Variants in PRKCH observed in about 807,000 individuals in gnomAD.
PRKCH encodes the protein protein kinase C eta.
In PRKCH, 28 loss-of-function variants were observed where a neutral mutation model predicts 82.5. That is an observed-to-expected ratio of 0.34 (90% confidence interval 0.25 to 0.47). The LOEUF is 0.47. Among genes scored for constraint, PRKCH ranks in the 20% least tolerant of loss-of-function variants. The pLI is 1.00. For synonymous variants in PRKCH, 322 were observed against 327.4 expected (o/e 0.98, Z 0.18); for missense variants, 705 against 881.8 (o/e 0.80, Z 2.54).
intron 2 of PRKCH, among the ~76,000 whole-genome samples, chr14:61,425,321 A>T (rs1171667949): frequency 6.6e-6 from 1 of 152,150 alleles, no homozygotes; most frequent in African/African-American, 2.4e-5. Flanking sequence ...CAGGAGGGGG[A>T]TATACCCTGC....
chr14:61,333,404 A>C (rs535262095), intron 1 of PRKCH, among the ~76,000 whole-genome samples: 3 of 152,368 alleles, frequency 2.0e-5, no homozygotes, highest in African/African-American at 7.2e-5. Flanking sequence ...AAAGGGTTCA[A>C]AAATAAGGCT....
rs1211722845 is a variant in PRKCH, at chr14:61,538,156, A to G, written c.1761+7561A>G. 7.2e-5 allele frequency among the ~76,000 whole-genome samples: 11 copies of G among 152,262 alleles called. 2 individuals are homozygous for G. The highest frequency in any genetic ancestry group is 7.2e-4 in the Admixed American group (11 of 15,288). ...AACGCAGAGGATCCAACCCCAGATC[A>G]TTAGGGCTGGTTTTTCAAACACTGT... is the stretch of plus-strand genomic sequence containing the variant. On this transcript the variant is annotated intron_variant, in intron 12 of 13. Coordinates refer to ENST00000332981, the MANE Select transcript of PRKCH (RefSeq NM_006255.5).
chr14:61,308,748 C>T (rs1303724022), intron 1 of PRKCH, among the ~76,000 whole-genome samples: 1 of 152,128 alleles, frequency 6.6e-6, no homozygotes, highest in Non-Finnish European at 1.5e-5. Flanking sequence ...CCCACCTCAG[C>T]CTCCCGAGGA....
At position 61,550,949 on chromosome 14, in the gene PRKCH, C is replaced by T. The variant is rs2140049990; in HGVS notation, c.*1118C>T. The T allele has an allele frequency of 6.6e-6, 1 of 152,310 alleles. No homozygotes were observed. Among genetic ancestry groups the T allele is most frequent in the Admixed American group, 6.5e-5 (1 of 15,298 alleles). 9.4% of individuals were successfully genotyped at this position (152,310 alleles called of 1,614,324 possible). On this transcript the variant is annotated 3_prime_UTR_variant, in exon 14 of 14. Transcript: ENST00000332981. The stretch of plus-strand genomic sequence containing the variant: ...TATACAGTTCAAGAATTTTGTCTGA[C>T]TGGAAATAAATGCATTTTGTAGCAA...
At chr14:61,469,836 T>TC (rs1885419757) in intron 9 of PRKCH, among the ~76,000 whole-genome samples, 1 of 152,036 alleles carries the variant, frequency 6.6e-6, no homozygotes. Context: ...GGGAAGGTGT[T>TC]CATTCATTCA....
rs2044540898 is a variant in PRKCH, at chr14:61,208,020, A to G, written c.-19+20352A>G. On this transcript the variant is annotated intron_variant, in intron 1 of 3. Coordinates refer to the PRKCH transcript ENST00000555185. ...TGTTTGAATGTGAAATGGGGTTTAC[A>G]TTAGAAGCACAGAAACCAAGCGCAA... Among the ~76,000 whole-genome samples the G allele has an allele frequency of 4.6e-5, 7 of 152,226 alleles. No homozygotes were observed. The South Asian group carries it at 1.2e-3, about 27-fold the overall frequency.
upstream of PRKCH, among the ~76,000 whole-genome samples, chr14:61,317,469 T>C (rs1308588620): frequency 6.6e-6 from 1 of 152,248 alleles, no homozygotes; most frequent in Non-Finnish European, 1.5e-5. Context: ...AGACAGGGTC[T>C]CACTTTGTTG....
At chr14:61,463,856 T>A (rs1885137611) in intron 9 of PRKCH, among the ~76,000 whole-genome samples, 1 of 152,244 alleles carries the variant, frequency 6.6e-6, no homozygotes, top group Admixed American at 6.5e-5. Flanking sequence ...TTTCAAATAA[T>A]ACAATGTCCT....
chr14:61,470,176 G>A (rs1008432966), intron 9 of PRKCH, among the ~76,000 whole-genome samples: 6 of 151,716 alleles, frequency 4.0e-5, no homozygotes, highest in African/African-American at 7.3e-5. Flanking sequence ...TGAGATTACT[G>A]GGGGGAGGCG....
chr14:61,477,666 T>C (rs2140319738), intron 9 of PRKCH, among the ~76,000 whole-genome samples: 2 of 152,368 alleles, frequency 1.3e-5, no homozygotes, highest in Middle Eastern at 6.8e-3. Context: ...AGAAAACTTA[T>C]CAGAACTGAA....
chr14:61,343,394 C>CTGGA (rs930342628), intron 1 of PRKCH, among the ~76,000 whole-genome samples: 14 of 136,498 alleles, frequency 1.0e-4, no homozygotes, highest in Non-Finnish European at 1.7e-4. Context: ...AGACACTAGA[C>CTGGA]TGGATAGAAA....
chr14:61,210,116 ATATATATATATATATATATATATAT>A (rs1566781652), intron 1 of PRKCH, among the ~76,000 whole-genome samples: 1 of 13,560 alleles, frequency 7.4e-5, no homozygotes, highest in Non-Finnish European at 1.2e-4. Context: ...AAACAAATAT[ATATATATATATATATATATATATAT>A]ATATATATAT....
chr14:61,473,986 T>C (rs905113731), intron 9 of PRKCH, among the ~76,000 whole-genome samples: 1 of 141,846 alleles, frequency 7.0e-6, no homozygotes, highest in Non-Finnish European at 1.5e-5. Flanking sequence ...AGAGCGAGAC[T>C]CTGTCTTAAA....
At chr14:61,535,238 G>A (rs1359809799) in intron 12 of PRKCH, among the ~76,000 whole-genome samples, 1 of 152,230 alleles carries the variant, frequency 6.6e-6, no homozygotes, top group African/African-American at 2.4e-5. Context: ...ATTCAGTGAT[G>A]AGTGAGGCAA....
intron 1 of PRKCH, among the ~76,000 whole-genome samples, chr14:61,201,751 A>G (rs2044483766): frequency 6.6e-6 from 1 of 152,224 alleles, no homozygotes; most frequent in South Asian, 2.1e-4. Flanking sequence ...AGGGTGGTTA[A>G]TATATGTGAG....
At chr14:61,475,196 A>G (rs1445992947) in intron 9 of PRKCH, among the ~76,000 whole-genome samples, 1 of 152,254 alleles carries the variant, frequency 6.6e-6, no homozygotes, top group African/African-American at 2.4e-5. Context: ...AACTAAGTCC[A>G]TAAATATCCT....
At chr14:61,195,914 G>T (rs1346564800) in intron 1 of PRKCH, among the ~76,000 whole-genome samples, 1 of 152,150 alleles carries the variant, frequency 6.6e-6, no homozygotes, top group Non-Finnish European at 1.5e-5. Context: ...CACCCTGGGG[G>T]TTAGGGCTTC....
intron 9 of PRKCH, among the ~76,000 whole-genome samples, chr14:61,484,635 A>G (rs1047146193): frequency 6.6e-6 from 1 of 152,070 alleles, no homozygotes; most frequent in Non-Finnish European, 1.5e-5. Flanking sequence ...TTTACCTGCT[A>G]GGTTGAGAGT....
intron 1 of PRKCH, among the ~76,000 whole-genome samples, chr14:61,247,104 G>A (rs767607642): frequency 3.9e-5 from 6 of 152,076 alleles, no homozygotes; most frequent in Admixed American, 2.6e-4. Flanking sequence ...TGGGAACACC[G>A]TAAAGGCAGG....
Sources: gnomAD v4.1 joint callset for allele counts (sites outside exome capture counted in the v4.1 genomes callset) on GRCh38, gnomAD v4.1.1 for gene constraint, MANE v1.5 for transcripts, NCBI Gene and HGNC (gene_info 2026-07-23, HGNC 2026-07-21) for gene names.